Variants in OVCH1 observed in about 807,000 individuals in gnomAD.
The protein encoded by OVCH1 is ovochymase-1.
A neutral mutation model predicts 138.4 loss-of-function variants in OVCH1; 139 were observed. The observed-to-expected ratio is 1.00, with a 90% CI of 0.87 to 1.16. The LOEUF (loss-of-function observed/expected upper bound fraction) is 1.16. OVCH1 is among the 50% of genes most tolerant of loss of function. OVCH1 has a pLI of 0.00. For synonymous variants in OVCH1, 453 were observed against 467.8 expected, an observed-to-expected ratio of 0.97 and a Z score of 0.41; for missense variants, 1,367 against 1,357.9, an observed-to-expected ratio of 1.01 and a Z score of -0.11.
chr12:29,476,452 T>A (rs1030304378), intron 12 of OVCH1, among the ~76,000 whole-genome samples, 153 bp from the exon 13 acceptor site: 5 of 152,164 alleles, frequency 3.3e-5, no homozygotes, highest in African/African-American at 1.2e-4. Context: ...GAAGGGCAAT[T>A]TGGCAACGAC....
the OVCH1 span, among the ~76,000 whole-genome samples, chr12:29,402,534 G>A: frequency 6.6e-6 from 1 of 152,048 alleles, no homozygotes. Context: ...AAAAGGAAAG[G>A]GAAGGGGAAG....
chr12:29,474,875 C>T (rs758100789), intron 14 of OVCH1, among the ~76,000 whole-genome samples, 186 bp downstream of exon 14: 1 of 152,096 alleles, frequency 6.6e-6, no homozygotes, highest in Non-Finnish European at 1.5e-5. Context: ...TCCTAAAGCA[C>T]AGATTCCTGG....
At chr12:29,493,437 C>CA (rs1943326326) in intron 4 of OVCH1, among the ~76,000 whole-genome samples, 1 of 152,068 alleles carries the variant, frequency 6.6e-6, no homozygotes, top group Admixed American at 6.6e-5. Context: ...ATTTGGATAT[C>CA]AATTATGATC....
intron 3 of OVCH1, among the ~76,000 whole-genome samples, chr12:29,419,667 G>T (rs1941077317): frequency 6.6e-6 from 1 of 152,058 alleles, no homozygotes; most frequent in African/African-American, 2.4e-5. Flanking sequence ...TATAATAATA[G>T]ATGTTATACA....
intron 20 of OVCH1, 45 bp from the exon 21 acceptor site, chr12:29,454,978 G>A (rs766673134): frequency 1.3e-6 from 2 of 1,494,742 alleles, no homozygotes; most frequent in South Asian, 1.2e-5. Context: ...GAAAGCCTGA[G>A]AACAAAATAT....
intron 3 of OVCH1, among the ~76,000 whole-genome samples, chr12:29,414,638 T>G (rs1056482456): frequency 2.0e-5 from 3 of 152,188 alleles, no homozygotes; most frequent in African/African-American, 7.2e-5. Flanking sequence ...CAACTATGTT[T>G]ATAATTTAGA....
chr12:29,436,040 A>G (rs1592036343), intron 26 of OVCH1, among the ~76,000 whole-genome samples: 1 of 152,210 alleles, frequency 6.6e-6, no homozygotes, highest in East Asian at 1.9e-4. Flanking sequence ...TTTGAATTAT[A>G]TAGTTCATCC....
chr12:29,485,701 G>A (rs1489546089), intron 8 of OVCH1, among the ~76,000 whole-genome samples: 7 of 151,822 alleles, frequency 4.6e-5, no homozygotes, highest in African/African-American at 7.2e-5. Flanking sequence ...GCGTTAACCC[G>A]GAAGGCGGAG....
chr12:29,496,399 T>C, intron 2 of OVCH1, 121 bp from the exon 3 acceptor site: 1 of 1,162,624 alleles, frequency 8.6e-7, no homozygotes, highest in Non-Finnish European at 1.2e-6. Context: ...CCGACATAAA[T>C]TGGATAGTAA....
chr12:29,412,268 C>CA (rs1342241970), downstream of OVCH1, among the ~76,000 whole-genome samples: 1 of 152,158 alleles, frequency 6.6e-6, no homozygotes, highest in Non-Finnish European at 1.5e-5. Context: ...CCGAGTGAGG[C>CA]AATGCCTCAC....
chr12:29,491,345 G>A lies in OVCH1; in HGVS notation c.455-153C>T, dbSNP rs554041137. ...AGTTTTGGCCCCTCCATATAAAACCGTTTTGTATTTATAGAAATTTTGAGA... is the reference window on the plus strand; with the variant it reads ...AGTTTTGGCCCCTCCATATAAAACCATTTTGTATTTATAGAAATTTTGAGA... On this transcript the variant is annotated intron_variant, in intron 4 of 27. Coordinates refer to ENST00000318184, the Ensembl canonical transcript of OVCH1. 3.3e-5 allele frequency among the ~76,000 whole-genome samples: 5 copies of A among 152,234 alleles called. No homozygotes were observed. The South Asian group carries it at 8.3e-4, about 25-fold the overall frequency.
chr12:29,429,199 A>T (rs1284335062), intron 27 of OVCH1, among the ~76,000 whole-genome samples: 1 of 152,232 alleles, frequency 6.6e-6, no homozygotes, highest in Non-Finnish European at 1.5e-5. Context: ...TTTTCAAAAA[A>T]GTTACCATCT....
intron 15 of OVCH1, 25 bp downstream of exon 15, chr12:29,473,004 T>C: frequency 1.3e-6 from 2 of 1,572,812 alleles, no homozygotes; most frequent in African/African-American, 1.4e-5. Flanking sequence ...ATTAAACAGA[T>C]AGTAATAACA....
intron 8 of OVCH1, among the ~76,000 whole-genome samples, chr12:29,479,658 T>C (rs1295526073): frequency 1.3e-5 from 2 of 152,168 alleles, no homozygotes; most frequent in African/African-American, 2.4e-5. Flanking sequence ...ATTAACTCTT[T>C]CCAAAATTCA....
the OVCH1 span, among the ~76,000 whole-genome samples, chr12:29,406,172 A>T: frequency 6.7e-6 from 1 of 150,242 alleles, no homozygotes; most frequent in African/African-American, 2.4e-5. Flanking sequence ...GAGTAATTAC[A>T]TAGAAATGAG....
At chr12:29,484,414 ATGAG>A (rs1271329227) in intron 8 of OVCH1, among the ~76,000 whole-genome samples, 4 of 152,258 alleles carry the variant, frequency 2.6e-5, no homozygotes, top group African/African-American at 9.6e-5. Context: ...GATGATTTAC[ATGAG>A]TGAGTAAATA....
At chr12:29,440,122 G>A (rs2135916576) in intron 25 of OVCH1, among the ~76,000 whole-genome samples, 1 of 152,250 alleles carries the variant, frequency 6.6e-6, no homozygotes, top group East Asian at 1.9e-4. Flanking sequence ...CCAGAGGTTG[G>A]GCTATAAGTT....
Position 29,487,778 on chromosome 12 carries a change from T to TA in OVCH1, c.806dup (p.Arg270LysfsTer17), listed in dbSNP as rs762807323. 9 of 1,606,618 alleles carry TA rather than the reference T, an allele frequency of 5.6e-6. No individual in the cohort carries two copies. The highest frequency in any genetic ancestry group is 3.4e-5 in the Admixed American group (2 of 58,900). On this transcript the variant is annotated frameshift_variant, in exon 7 of 28. Coordinates refer to ENST00000318184, the Ensembl canonical transcript of OVCH1. LOFTEE classifies it high-confidence loss of function. ...GTGATGCCTTCACATGGTTGTTTCT[T>TA]ACGGGAACTGAACCTCCAGCACAAC... is the stretch of plus-strand genomic sequence containing the variant.
the OVCH1 span, among the ~76,000 whole-genome samples, chr12:29,403,316 A>G: frequency 1.3e-5 from 2 of 152,300 alleles, no homozygotes; most frequent in South Asian, 4.1e-4. Context: ...TATGCTTTTC[A>G]AAGTTGTTTG....
Sources: gnomAD v4.1 joint callset for allele counts (sites outside exome capture counted in the v4.1 genomes callset) on GRCh38, gnomAD v4.1.1 for gene constraint, MANE v1.5 for transcripts, NCBI Gene and HGNC (gene_info 2026-07-23, HGNC 2026-07-21) for gene names.